The following SKIC8 variants were observed in gnomAD, a reference collection of about 807,000 sequenced individuals.
SKIC8 encodes the protein superkiller complex protein 8.
chr15:78,293,296 AT>A, the SKIC8 span: 1 of 1,605,358 alleles, frequency 6.2e-7, no homozygotes. Flanking sequence ...TGCTTCATTT[AT>A]AAAGTCTTCT....
the SKIC8 span, chr15:78,290,152 T>A: frequency 1.9e-6 from 3 of 1,541,982 alleles, no homozygotes; most frequent in South Asian, 3.7e-5. Context: ...TTGGCCTTAA[T>A]TTTAAAAACT....
chr15:78,291,876 G>A, the SKIC8 span: 50 of 152,360 alleles, frequency 3.3e-4, no homozygotes, highest in African/African-American at 1.2e-3. Context: ...TTCTGGCAGA[G>A]CAGGTTCTGC....
At chr15:78,294,074 C>A in the SKIC8 span, among the ~76,000 whole-genome samples, 3 of 152,296 alleles carry the variant, frequency 2.0e-5, no homozygotes, top group South Asian at 2.1e-4. Context: ...CAGCTGTGCA[C>A]CACAGACAGC....
chr15:78,294,629 G>C, the SKIC8 span: 1 of 325,724 alleles, frequency 3.1e-6, no homozygotes, highest in Admixed American at 4.4e-5. Context: ...AGAGTTTTGA[G>C]CCTCAAAGCA....
At chr15:78,286,287 A>G in the SKIC8 span, 11 of 627,100 alleles carry the variant, frequency 1.8e-5, no homozygotes, top group Non-Finnish European at 3.1e-5. Context: ...TCCTCTTTCA[A>G]TGAAGTAGCT....
the SKIC8 span, chr15:78,288,178 G>A: frequency 8.9e-7 from 1 of 1,117,732 alleles, no homozygotes; most frequent in Non-Finnish European, 1.3e-6. Context: ...CAAGGTGTCT[G>A]ATGTGACTTG....
chr15:78,292,470 G>A, the SKIC8 span: 1 of 817,870 alleles, frequency 1.2e-6, no homozygotes. Context: ...CCCCACTGAG[G>A]GTATTATGTG....
chr15:78,292,722 G>A, the SKIC8 span: 126 of 1,614,176 alleles, frequency 7.8e-5, no homozygotes, highest in African/African-American at 1.4e-3. Context: ...TGTGGCTGAT[G>A]TCCACAGACA....
At chr15:78,286,101 C>G in the SKIC8 span, 1 of 1,613,770 alleles carries the variant, frequency 6.2e-7, no homozygotes, top group Non-Finnish European at 8.5e-7. Context: ...GGAGGCATGG[C>G]CGCTCAGCGT....
the SKIC8 span, chr15:78,290,413 C>A: frequency 3.8e-6 from 1 of 266,346 alleles, no homozygotes; most frequent in Middle Eastern, 1.1e-3. Flanking sequence ...TAAGTGAAAA[C>A]AAACACTTAC....
the SKIC8 span, among the ~76,000 whole-genome samples, chr15:78,297,250 A>G: frequency 6.6e-6 from 1 of 152,220 alleles, no homozygotes; most frequent in Non-Finnish European, 1.5e-5. Flanking sequence ...TTTGCTTACA[A>G]TATGAGAGTT....
chr15:78,289,984 G>A, the SKIC8 span: 5 of 1,614,044 alleles, frequency 3.1e-6, no homozygotes, highest in East Asian at 1.1e-4. Context: ...TTCCTCTCGT[G>A]TCCAAAGAAT....
At chr15:78,293,013 C>G in the SKIC8 span, 95 of 818,690 alleles carry the variant, frequency 1.2e-4, no homozygotes, top group East Asian at 2.4e-3. Context: ...AACAGGAAAA[C>G]AAGTGGGAAA....
the SKIC8 span, chr15:78,293,473 T>C: frequency 1.9e-6 from 1 of 513,650 alleles, no homozygotes; most frequent in African/African-American, 1.9e-5. Flanking sequence ...GCCCTAAATC[T>C]CATGTTTACC....
At chr15:78,291,221 TG>T in the SKIC8 span, 2 of 152,236 alleles carry the variant, frequency 1.3e-5, no homozygotes, top group African/African-American at 2.4e-5. Context: ...AATCCAGCAC[TG>T]ATTTCTTCAG....
the SKIC8 span, chr15:78,291,327 G>C: frequency 6.6e-6 from 1 of 152,170 alleles, no homozygotes; most frequent in Non-Finnish European, 1.5e-5. Flanking sequence ...GGTAGAAACA[G>C]TTCTGTCTCT....
chr15:78,299,272 TCTC>T, the SKIC8 span, among the ~76,000 whole-genome samples: 1 of 151,944 alleles, frequency 6.6e-6, no homozygotes, highest in Non-Finnish European at 1.5e-5. Flanking sequence ...GGATAAATGA[TCTC>T]CTCCGCAGAG....
the SKIC8 span, among the ~76,000 whole-genome samples, chr15:78,291,391 G>T: frequency 2.8e-4 from 43 of 152,148 alleles, no homozygotes; most frequent in Non-Finnish European, 5.3e-4. Flanking sequence ...GACTTTGCAG[G>T]ATAGTTTGGG....
chr15:78,288,720 CTATCAAATCCTTTAT>C, the SKIC8 span: 4 of 351,198 alleles, frequency 1.1e-5, no homozygotes, highest in Non-Finnish European at 2.2e-5. Context: ...TATTATTTCC[CTATCAAATCCTTTAT>C]TATAGTATAA....
Sources: gnomAD v4.1 joint callset for allele counts (sites outside exome capture counted in the v4.1 genomes callset) on GRCh38, gnomAD v4.1.1 for gene constraint, MANE v1.5 for transcripts, NCBI Gene and HGNC (gene_info 2026-07-23, HGNC 2026-07-21) for gene names.